The following KIRREL1 variants were observed in gnomAD, a reference collection of about 807,000 sequenced individuals.
KIRREL1 encodes the protein kin of IRRE-like protein 1.
Under a neutral mutation model 83.3 loss-of-function variants are expected in KIRREL1, and 25 were observed. The ratio of observed to expected loss-of-function variants is 0.30; its 90% confidence interval spans 0.22 to 0.42. The LOEUF (loss-of-function observed/expected upper bound fraction) is 0.42. KIRREL1 is among the 10% of genes least tolerant of loss of function. The probability of loss-of-function intolerance (pLI) is 1.00; values close to 1 mark genes in which losing one functional copy is unlikely to be tolerated. For missense variants in KIRREL1, 812 were observed against 1,032.3 expected, an observed-to-expected ratio of 0.79 and a Z score of 2.92; for synonymous variants, 388 against 410.4, an observed-to-expected ratio of 0.95 and a Z score of 0.66.
At chr1:158,093,790 C>T (rs1662273675) in intron 13 of KIRREL1, 28 bp downstream of exon 13, 1 of 1,612,440 alleles carries the variant, frequency 6.2e-7, no homozygotes, top group African/African-American at 1.3e-5. Context: ...CTCTGGCCTC[C>T]TGCCTTCTCC....
intron 1 of KIRREL1, among the ~76,000 whole-genome samples, chr1:158,020,074 T>C (rs7554764): frequency 0.79 from 120,121 of 152,116 alleles, 49,101 homozygotes; most frequent in Non-Finnish European, 0.89. Context: ...ATGATGGCTG[T>C]GCAGGGAGCA....
At chr1:158,029,582 C>A (rs547507010) in intron 1 of KIRREL1, among the ~76,000 whole-genome samples, 1 of 152,042 alleles carries the variant, frequency 6.6e-6, no homozygotes, top group Non-Finnish European at 1.5e-5. Flanking sequence ...TATTCTCCTC[C>A]GATGTACATC....
At chr1:157,993,887 G>A (rs1337332359) in intron 1 of KIRREL1, among the ~76,000 whole-genome samples, 159 bp downstream of exon 1, 1 of 152,206 alleles carries the variant, frequency 6.6e-6, no homozygotes, top group East Asian at 1.9e-4. Context: ...GAGCCCTGGG[G>A]GAGGGGGCGC....
intron 1 of KIRREL1, among the ~76,000 whole-genome samples, chr1:158,072,860 A>C (rs1334769324): frequency 2.1e-5 from 2 of 94,756 alleles, no homozygotes; most frequent in African/African-American, 3.6e-5. Context: ...CGGACAGGGC[A>C]TGGCTGATCA....
At position 158,050,419 on chromosome 1, in the gene KIRREL1, T is replaced by C. The variant is rs114462529; in HGVS notation, c.53-25694T>C. ...AACAGTAAAGCCAGAATTGTAACTC[T>C]GGTCTCTGTGGACTTATAATGAGGT... is the stretch of plus-strand genomic sequence containing the variant. On this transcript the variant is annotated intron_variant, in intron 1 of 14. Transcript: ENST00000359209. Among the ~76,000 whole-genome samples, 1,221 of 152,126 alleles carry C rather than the reference T, an allele frequency of 8.0e-3. 9 individuals carry two copies. Among genetic ancestry groups the C allele is most frequent in the Middle Eastern group, 0.02 (6 of 294 alleles).
chr1:158,072,808 C>T (rs1236263278), intron 1 of KIRREL1, among the ~76,000 whole-genome samples: 1 of 151,986 alleles, frequency 6.6e-6, no homozygotes, highest in Non-Finnish European at 1.5e-5. Flanking sequence ...TGTGGGAGAG[C>T]AGAGGAGAAA....
intron 1 of KIRREL1, among the ~76,000 whole-genome samples, chr1:158,029,071 G>A (rs1660247411): frequency 6.6e-6 from 1 of 152,178 alleles, no homozygotes; most frequent in South Asian, 2.1e-4. Flanking sequence ...TCCAGCCCCT[G>A]CCTTTGGGGC....
At chr1:158,025,025 G>A (rs984237669) in intron 1 of KIRREL1, among the ~76,000 whole-genome samples, 1 of 152,212 alleles carries the variant, frequency 6.6e-6, no homozygotes, top group Non-Finnish European at 1.5e-5. Context: ...CTCAAAGCCT[G>A]TTCCTTTGTA....
At chr1:158,082,756 C>T (rs1430496499) in intron 3 of KIRREL1, among the ~76,000 whole-genome samples, 2 of 152,088 alleles carry the variant, frequency 1.3e-5, no homozygotes, top group Non-Finnish European at 2.9e-5. Context: ...CTGCTTGAGC[C>T]CAGGAGTTTC....
chr1:158,019,679 G>T (rs894162689), intron 1 of KIRREL1, among the ~76,000 whole-genome samples: 1 of 152,078 alleles, frequency 6.6e-6, no homozygotes, highest in Non-Finnish European at 1.5e-5. Flanking sequence ...GGGAGCACGG[G>T]GCAGGAAATT....
intron 1 of KIRREL1, among the ~76,000 whole-genome samples, chr1:158,030,226 C>A (rs137955401): frequency 2.6e-3 from 402 of 152,262 alleles, no homozygotes; most frequent in African/African-American, 9.2e-3. Flanking sequence ...AGAGATGGAC[C>A]CCAGGCTGCT....
At chr1:158,093,833 T>C in intron 13 of KIRREL1, 71 bp downstream of exon 13, 1 of 1,541,666 alleles carries the variant, frequency 6.5e-7, no homozygotes, top group East Asian at 2.3e-5. Context: ...CCCAGATCTC[T>C]AATAACCGCG....
At chr1:158,046,230 G>A (rs1158224968) in intron 1 of KIRREL1, among the ~76,000 whole-genome samples, 1 of 152,162 alleles carries the variant, frequency 6.6e-6, no homozygotes, top group Non-Finnish European at 1.5e-5. Flanking sequence ...TGGGATTATT[G>A]GGAAATGAGA....
chr1:158,020,600 C>CAAAAAA (rs370156588), intron 1 of KIRREL1, among the ~76,000 whole-genome samples: 4,520 of 83,598 alleles, frequency 0.054, 524 homozygotes, highest in Middle Eastern at 0.18. Context: ...TACAGTAAAT[C>CAAAAAA]AAAAAAAAAA....
intron 1 of KIRREL1, among the ~76,000 whole-genome samples, chr1:158,046,269 G>A (rs1445945644): frequency 5.9e-5 from 9 of 152,178 alleles, no homozygotes; most frequent in African/African-American, 1.9e-4. Context: ...TGGATTGGAC[G>A]AAGGGTGAGA....
intron 1 of KIRREL1, among the ~76,000 whole-genome samples, chr1:158,032,771 T>TTTTTTC (rs1172006557): frequency 4.6e-5 from 7 of 152,266 alleles, no homozygotes; most frequent in African/African-American, 1.7e-4. Context: ...TTTCTTTTTC[T>TTTTTTC]TTTTTCTTTT....
chr1:158,025,996 T>C (rs967350920), intron 1 of KIRREL1, among the ~76,000 whole-genome samples: 4 of 152,064 alleles, frequency 2.6e-5, no homozygotes, highest in Non-Finnish European at 5.9e-5. Flanking sequence ...ATGGGACCCC[T>C]GCCCTGGTTC....
rs765689397 is a variant in KIRREL1 at position 158,093,416 on chromosome 1, G to T, written c.1549G>T (p.Val517Leu). 1 of 1,614,188 alleles carries T rather than the reference G, an allele frequency of 6.2e-7. No homozygotes were observed. The highest frequency in any genetic ancestry group is 8.5e-7 in the Non-Finnish European group (1 of 1,180,026). ...GCTCATCTTCTTCTTCATCGCCTTG[G>T]TATTCTTCCTCTACCGGCGCCGCAA... The part of the protein sequence containing the change: ...ILLIFFFIAL[V>L]FFLYRRRKGS... The change falls in exon 12 of 15, where the codon GTA (valine) becomes TTA (leucine). Residue 517 changes from valine to leucine, a missense_variant. By Grantham distance (32) the Val-to-Leu change is conservative (BLOSUM62 1). Around this residue, in one of 3 missense-constraint regions of KIRREL1, gnomAD observed 334 missense variants for 383.7 expected, o/e 0.87. Transcript: ENST00000359209.
chr1:158,035,205 C>CGTCA (rs1245277115), intron 1 of KIRREL1, among the ~76,000 whole-genome samples: 3 of 152,152 alleles, frequency 2.0e-5, no homozygotes, highest in Admixed American at 1.3e-4. Context: ...ACTTACCATC[C>CGTCA]GTCAGTTTCT....
Sources: allele counts gnomAD v4.1 joint callset (sites outside exome capture counted in the v4.1 genomes callset), GRCh38; gene constraint gnomAD v4.1.1; regional missense constraint gnomAD v4.1.1; transcripts MANE v1.5; gene names NCBI Gene and HGNC (gene_info 2026-07-23, HGNC 2026-07-21).